Variants in PRICKLE1 observed in about 807,000 individuals in gnomAD.
PRICKLE1 encodes the protein prickle-like protein 1.
Under a neutral mutation model 70.2 loss-of-function variants are expected in PRICKLE1, and 14 were observed. That is an observed-to-expected ratio of 0.20 (90% CI 0.13 to 0.31). The LOEUF (loss-of-function observed/expected upper bound fraction) is 0.31, where lower values mean the gene tolerates loss of function less well. Among genes scored for constraint, PRICKLE1 ranks in the 10% least tolerant of loss-of-function variants. The probability of loss-of-function intolerance (pLI) is 1.00; values close to 1 mark genes in which losing one functional copy is unlikely to be tolerated. For missense variants in PRICKLE1, 821 were observed against 1,026.2 expected (o/e 0.80, Z 2.73); for synonymous variants, 357 against 379.9 (o/e 0.94, Z 0.70).
intron 1 of PRICKLE1, among the ~76,000 whole-genome samples, chr12:42,501,256 G>A (rs1360277690): frequency 6.6e-6 from 1 of 152,074 alleles, no homozygotes; most frequent in African/African-American, 2.4e-5. Context: ...TGTAATCACA[G>A]CACTTTGGGA....
intron 1 of PRICKLE1, among the ~76,000 whole-genome samples, chr12:42,579,706 T>C (rs949832820): frequency 6.6e-6 from 1 of 152,162 alleles, no homozygotes; most frequent in Admixed American, 6.5e-5. Context: ...GGAAATTGGA[T>C]AGTTAGCCAG....
intron 1 of PRICKLE1, among the ~76,000 whole-genome samples, chr12:42,561,905 C>CTTTT (rs60450733): frequency 2.0e-3 from 169 of 86,412 alleles, no homozygotes; most frequent in Middle Eastern, 6.9e-3. Context: ...TTTTTCTTTT[C>CTTTT]TTTTTTTTTT....
At chr12:42,487,472 A>G (rs534877158) in intron 1 of PRICKLE1, among the ~76,000 whole-genome samples, 3 of 152,186 alleles carry the variant, frequency 2.0e-5, no homozygotes, top group African/African-American at 7.2e-5. Context: ...TCTACACCCA[A>G]TCCCTCTTTA....
intron 1 of PRICKLE1, among the ~76,000 whole-genome samples, chr12:42,493,296 C>A (rs2140172801): frequency 6.6e-6 from 1 of 152,274 alleles, no homozygotes; most frequent in South Asian, 2.1e-4. Flanking sequence ...GATTACTATG[C>A]ACTGCAAACC....
intron 1 of PRICKLE1, among the ~76,000 whole-genome samples, chr12:42,572,530 A>G (rs1940735565): frequency 6.6e-6 from 1 of 152,078 alleles, no homozygotes; most frequent in African/African-American, 2.4e-5. Context: ...AAAACCTGAG[A>G]ATGGCATAAA....
chr12:42,587,317 C>T (rs943415975), intron 1 of PRICKLE1, among the ~76,000 whole-genome samples: 10 of 152,228 alleles, frequency 6.6e-5, no homozygotes, highest in Admixed American at 4.6e-4. Context: ...GTTTTTCCTT[C>T]CTTTTTCCCT....
chr12:42,472,961 C>A (rs1288483691), intron 1 of PRICKLE1, among the ~76,000 whole-genome samples: 2 of 152,094 alleles, frequency 1.3e-5, no homozygotes, highest in Non-Finnish European at 2.9e-5. Context: ...CCTGCCTTGC[C>A]CACTACTATG....
intron 1 of PRICKLE1, among the ~76,000 whole-genome samples, chr12:42,488,502 C>G (rs1195745708): frequency 6.6e-6 from 1 of 152,188 alleles, no homozygotes; most frequent in East Asian, 1.9e-4. Flanking sequence ...ATTAAACTAG[C>G]ATTCAGCTTA....
chr12:42,536,121 C>T (rs981421733), intron 1 of PRICKLE1, among the ~76,000 whole-genome samples: 2 of 152,060 alleles, frequency 1.3e-5, no homozygotes, highest in Admixed American at 1.3e-4. Flanking sequence ...CTCAAATGTG[C>T]AAAAGCCAAA....
chr12:42,472,182 T>C (rs1285395713), intron 2 of PRICKLE1, among the ~76,000 whole-genome samples: 1 of 152,186 alleles, frequency 6.6e-6, no homozygotes, highest in Non-Finnish European at 1.5e-5. Flanking sequence ...GAACCATGGG[T>C]ACGACGAGAT....
At chr12:42,460,719 G>A in intron 7 of PRICKLE1, 54 bp from the exon 8 acceptor site, 2 of 1,577,478 alleles carry the variant, frequency 1.3e-6, no homozygotes, top group Non-Finnish European at 1.7e-6. Context: ...ATATTCGACA[G>A]TACTTAAAAG....
Position 42,521,929 on chromosome 12 carries a change from GGTGTGTGTGT to G in PRICKLE1, c.-48-49375_-48-49366del, listed in dbSNP as rs72169209. Among the ~76,000 whole-genome samples, 128 of 139,902 alleles carry G rather than the reference GGTGTGTGTGT, an allele frequency of 9.1e-4. 1 individual carries two copies. The highest frequency in any genetic ancestry group is 5.1e-3 in the South Asian group (23 of 4,472). 91.8% of individuals were successfully genotyped at this position (139,902 alleles called of 152,430 possible). A position where few individuals can be genotyped will look rare whatever the true frequency, so the allele number is the denominator to read the frequency against. Reference sequence around the variant, plus strand: ...AAGTGAAATCAGTTTGTTTGTTTTTGGTGTGTGTGTGTGTGTGTGTGTGTGTGTGTGTGTG... The same window carrying G: ...AAGTGAAATCAGTTTGTTTGTTTTTGGTGTGTGTGTGTGTGTGTGTGTGTG... On this transcript the variant is annotated intron_variant, in intron 1 of 7. Coordinates refer to ENST00000345127, the MANE Select transcript of PRICKLE1 (RefSeq NM_153026.3).
chr12:42,459,411 C>A lies in PRICKLE1; in HGVS notation c.*398G>T, dbSNP rs17091220. ...CTCACACCAAGACGGACTATCAAGA[C>A]CTGAGCCGACCTGACTTACATAAAT... On this transcript the variant is annotated 3_prime_UTR_variant, in exon 8 of 8. Coordinates refer to ENST00000345127, the MANE Select transcript of PRICKLE1 (RefSeq NM_153026.3). 0.059 allele frequency: 41,192 copies of A among 699,286 alleles called. 1,398 individuals are homozygous for A. Among genetic ancestry groups the A allele is most frequent in the Non-Finnish European group, 0.069 (26,679 of 383,966 alleles). 43.3% of individuals were successfully genotyped at this position (699,286 alleles called of 1,614,324 possible).
At chr12:42,562,780 A>G (rs533561019) in intron 1 of PRICKLE1, among the ~76,000 whole-genome samples, 10 of 152,350 alleles carry the variant, frequency 6.6e-5, no homozygotes, top group East Asian at 1.9e-4. Context: ...AAAAAATTGT[A>G]TAACAGTGGA....
chr12:42,566,378 C>T (rs1353518141), intron 1 of PRICKLE1, among the ~76,000 whole-genome samples: 2 of 152,040 alleles, frequency 1.3e-5, no homozygotes, highest in African/African-American at 2.4e-5. Flanking sequence ...AGGATACACA[C>T]GGTGGAGAGG....
chr12:42,542,827 T>C (rs142519149), intron 1 of PRICKLE1, among the ~76,000 whole-genome samples: 1 of 152,316 alleles, frequency 6.6e-6, no homozygotes, highest in African/African-American at 2.4e-5. Context: ...TCTAACATAT[T>C]CTGCTAGCCC....
chr12:42,510,402 A>G (rs1939491284), intron 1 of PRICKLE1, among the ~76,000 whole-genome samples: 1 of 152,056 alleles, frequency 6.6e-6, no homozygotes. Flanking sequence ...CTATTAAGAC[A>G]ATTTTTAAAG....
At chr12:42,546,647 G>A (rs753151825) in intron 1 of PRICKLE1, among the ~76,000 whole-genome samples, 7 of 152,058 alleles carry the variant, frequency 4.6e-5, no homozygotes, top group Admixed American at 1.3e-4. Flanking sequence ...CCAGCTACTC[G>A]GGAGAATGAG....
intron 1 of PRICKLE1, among the ~76,000 whole-genome samples, chr12:42,500,389 A>G (rs1207109569): frequency 6.6e-6 from 1 of 152,240 alleles, no homozygotes; most frequent in African/African-American, 2.4e-5. Context: ...AGGCATTACC[A>G]GTATCAGTAC....
Sources: gnomAD v4.1 joint callset for allele counts (sites outside exome capture counted in the v4.1 genomes callset) on GRCh38, gnomAD v4.1.1 for gene constraint, MANE v1.5 for transcripts, NCBI Gene and HGNC (gene_info 2026-07-23, HGNC 2026-07-21) for gene names.